The following SPRING1 variants were observed in gnomAD, a reference collection of about 807,000 sequenced individuals.
SPRING1 encodes SREBF pathway regulator in golgi 1.
In SPRING1, 14 loss-of-function variants were observed where a neutral mutation model predicts 24.7. The observed-to-expected ratio is 0.57, with a 90% CI of 0.37 to 0.88. SPRING1 has a LOEUF of 0.88. Among genes scored for constraint, SPRING1 ranks in the 40% least tolerant of loss-of-function variants. The pLI, the probability that SPRING1 is intolerant of heterozygous loss-of-function variation, is 0.00. For synonymous variants in SPRING1, 93 were observed against 106.1 expected, an observed-to-expected ratio of 0.88 and a Z score of 0.76; for missense variants, 255 against 268.4, an observed-to-expected ratio of 0.95 and a Z score of 0.35.
intron 1 of SPRING1, among the ~76,000 whole-genome samples, chr12:116,731,929 C>T (rs559407756): frequency 6.6e-5 from 10 of 152,330 alleles, no homozygotes; most frequent in Middle Eastern, 3.4e-3. Context: ...ACGGTCACCA[C>T]GGCTTCTGCC....
chr12:116,737,994 C>G lies in SPRING1; in HGVS notation c.-94G>C. ...GCCCCTACGCGCCCGGCAGCCCCAT[C>G]CCTCCAGGCAGGCGCCGGCCCCGCC... On this transcript the variant is annotated 5_prime_UTR_variant, in exon 1 of 5. Coordinates refer to ENST00000261318, the MANE Select transcript of SPRING1 (RefSeq NM_024738.4). The G allele has an allele frequency of 8.5e-7, 1 of 1,170,960 alleles. No homozygotes were observed. The highest frequency in any genetic ancestry group is 1.1e-6 in the Non-Finnish European group (1 of 944,298). 72.5% of individuals were successfully genotyped at this position (1,170,960 alleles called of 1,614,324 possible).
In SPRING1 at chr12:116,720,844, C is replaced by T. The variant is rs553311190; in HGVS notation, c.269-397G>A. 5.9e-5 allele frequency among the ~76,000 whole-genome samples: 9 copies of T among 152,196 alleles called. No individual in the cohort carries two copies. The highest frequency in any genetic ancestry group is 2.2e-4 in the African/African-American group (9 of 41,526). ...CAAAAAGTTTAAAACAGAAAAAAAC[C>T]GAGGCACTGATTCACAAAAGTGAGG... On this transcript the variant is annotated intron_variant, in intron 2 of 4. Coordinates refer to ENST00000261318, the MANE Select transcript of SPRING1 (RefSeq NM_024738.4). The surrounding 1 kb of genome is among the most constrained non-coding windows in gnomAD (Gnocchi z 4.0).
chr12:116,720,852 T>G lies in SPRING1; in HGVS notation c.269-405A>C, dbSNP rs1263076380. Among the ~76,000 whole-genome samples, 1 of 152,238 alleles carries G rather than the reference T, an allele frequency of 6.6e-6. No homozygotes were observed. Among genetic ancestry groups the G allele is most frequent in the African/African-American group, 2.4e-5 (1 of 41,472 alleles). ...TTAAAACAGAAAAAAACCGAGGCACTGATTCACAAAAGTGAGGTCCTTCTA... is the reference window on the plus strand; with the variant it reads ...TTAAAACAGAAAAAAACCGAGGCACGGATTCACAAAAGTGAGGTCCTTCTA... On this transcript the variant is annotated intron_variant, in intron 2 of 4. Transcript: ENST00000261318. The surrounding 1 kb of genome is among the most constrained non-coding windows in gnomAD (Gnocchi z 4.0).
chr12:116,738,015 C>A lies in SPRING1; in HGVS notation c.-115G>T. ...CCATCCCTCCAGGCAGGCGCCGGCC[C>A]CGCCGCCCGCAGCCCAGTCTGCTCC... On this transcript the variant is annotated 5_prime_UTR_variant, in exon 1 of 5. Transcript: ENST00000261318. 1 of 1,116,384 alleles carries A rather than the reference C, an allele frequency of 9.0e-7. No homozygotes were observed. Among genetic ancestry groups the A allele is most frequent in the South Asian group, 4.3e-5 (1 of 23,194 alleles). The allele number at this position is 1,116,384 out of a possible 1,614,324, so 69.2% of individuals were successfully genotyped here. A position where few individuals can be genotyped will look rare whatever the true frequency, so the allele number is the denominator to read the frequency against.
intron 1 of SPRING1, among the ~76,000 whole-genome samples, chr12:116,733,199 T>C (rs1025654967): frequency 5.9e-5 from 9 of 152,038 alleles, no homozygotes; most frequent in South Asian, 4.1e-4. Context: ...AGTTTTTTTC[T>C]TTTCTGAGAC....
intron 1 of SPRING1, among the ~76,000 whole-genome samples, chr12:116,727,477 G>A (rs926406362): frequency 6.6e-6 from 1 of 152,124 alleles, no homozygotes; most frequent in African/African-American, 2.4e-5. Flanking sequence ...ACTGTGCTGT[G>A]TACTTTTCAG....
At chr12:116,728,000 A>G (rs1476976595) in intron 1 of SPRING1, among the ~76,000 whole-genome samples, 2 of 152,226 alleles carry the variant, frequency 1.3e-5, no homozygotes, top group African/African-American at 2.4e-5. Flanking sequence ...GCACCAATTT[A>G]CACACTTAGC....
chr12:116,734,042 A>G (rs1444455855), intron 1 of SPRING1, among the ~76,000 whole-genome samples: 1 of 151,882 alleles, frequency 6.6e-6, no homozygotes, highest in Admixed American at 6.6e-5. Flanking sequence ...ACACCTGGCT[A>G]ATTTTTATAT....
In SPRING1 at chr12:116,717,958, G is replaced by C. The variant is rs1870242564; in HGVS notation, c.535-65C>G. 3.0e-6 allele frequency: 4 copies of C among 1,325,144 alleles called. No homozygotes were observed. Among genetic ancestry groups the C allele is most frequent in the Non-Finnish European group, 4.1e-6 (4 of 969,992 alleles). The allele number at this position is 1,325,144 out of a possible 1,614,324, so 82.1% of individuals were successfully genotyped here. A position where few individuals can be genotyped will look rare whatever the true frequency, so the allele number is the denominator to read the frequency against. The stretch of plus-strand genomic sequence containing the variant: ...CACAGCTTCACACACCTCCCTCTCG[G>C]AAGAGTGAGAGTGGATCGGGACTGT... On this transcript the variant is annotated intron_variant, in intron 4 of 4. Transcript: ENST00000261318. This position sits in a 1 kb window ranked among gnomAD's most constrained non-coding sequence, Gnocchi z 4.2.
chr12:116,735,338 T>C lies in SPRING1; in HGVS notation c.111+2452A>G, dbSNP rs138655801. 4.0e-4 allele frequency among the ~76,000 whole-genome samples: 61 copies of C among 152,244 alleles called. No homozygotes were observed. In the East Asian group the frequency reaches 0.011, roughly 27 times the overall value. ...ATGGAGAGTTATTGTTAAATGAATA[T>C]TAAGTTTCAGTTTCTACAAGCGTTA... On this transcript the variant is annotated intron_variant, in intron 1 of 4. Coordinates refer to ENST00000261318, the MANE Select transcript of SPRING1 (RefSeq NM_024738.4).
chr12:116,723,279 T>G, intron 1 of SPRING1, 56 bp from the exon 2 acceptor site: 2 of 1,592,810 alleles, frequency 1.3e-6, no homozygotes, highest in Non-Finnish European at 1.7e-6. Flanking sequence ...TCTTACAATT[T>G]CACCAGTTTT....
Position 116,719,863 on chromosome 12 carries a change from T to C in SPRING1, c.434A>G (p.Glu145Gly). Residue 145 changes from glutamate to glycine, a missense_variant, in exon 4 of 5, where the codon GAG (glutamate) becomes GGG (glycine). Transcript: ENST00000261318. ...CLQPNKQLLL[E>G]RFLNRAAVAF... ...CACGGCTGCCCGGTTGAGGAAGCGC[T>C]CCAGGAGAAGTTGCTATGGAAACAA... is the stretch of plus-strand genomic sequence containing the variant. 6.2e-7 allele frequency: 1 copy of C among 1,614,114 alleles called. No homozygotes were observed. Among genetic ancestry groups the C allele is most frequent in the Non-Finnish European group, 8.5e-7 (1 of 1,179,992 alleles).
At position 116,737,821 on chromosome 12, in the gene SPRING1, A is replaced by C; in HGVS notation, c.80T>G (p.Leu27Arg). 2.5e-6 allele frequency: 4 copies of C among 1,595,516 alleles called. No individual in the cohort carries two copies. Among genetic ancestry groups the C allele is most frequent in the Non-Finnish European group, 3.4e-6 (4 of 1,170,938 alleles). The change falls in exon 1 of 5, where the codon CTC becomes CGC. Residue 27 changes from leucine to arginine, a missense_variant. Transcript: ENST00000261318. ...WVLALVFGLS[L>R]VYFLSSTFKQ... ...GAAGGTGCTGCTGAGGAAGTAGACG[A>C]GCGACAGCCCGAAGACCAGGGCGAG...
At chr12:116,730,739 A>T (rs1870936027) in intron 1 of SPRING1, among the ~76,000 whole-genome samples, 1 of 152,238 alleles carries the variant, frequency 6.6e-6, no homozygotes, top group African/African-American at 2.4e-5. Context: ...TACTAAAAAA[A>T]ATCACACTTG....
chr12:116,725,275 G>A (rs187622241), intron 1 of SPRING1, among the ~76,000 whole-genome samples: 115 of 152,228 alleles, frequency 7.6e-4, no homozygotes, highest in African/African-American at 2.5e-3. Context: ...CGTCCCGCCC[G>A]GGCTGTGCAT....
At chr12:116,733,594 T>C (rs1300863713) in intron 1 of SPRING1, among the ~76,000 whole-genome samples, 1 of 152,102 alleles carries the variant, frequency 6.6e-6, no homozygotes, top group African/African-American at 2.4e-5. Context: ...TTTGTACAGC[T>C]TTACAATGTG....
Position 116,717,471 on chromosome 12 carries a change from C to G in SPRING1, c.*339G>C, listed in dbSNP as rs1056165423. On this transcript the variant is annotated 3_prime_UTR_variant, in exon 5 of 5. Transcript: ENST00000261318. This position sits in a 1 kb window ranked among gnomAD's most constrained non-coding sequence, Gnocchi z 4.2. ...GCCTGGATCAAAACTGGAAGTGACA[C>G]CGGCCCCCGATGAACACAAGTCACA... 1 of 206,336 alleles carries G rather than the reference C, an allele frequency of 4.8e-6. No individual in the cohort carries two copies. The highest frequency in any genetic ancestry group is 9.6e-6 in the Non-Finnish European group (1 of 103,904). The allele number at this position is 206,336 out of a possible 1,614,324, so 12.8% of individuals were successfully genotyped here.
In SPRING1 at chr12:116,737,776, G is replaced by T. The variant is rs1235419366; in HGVS notation, c.111+14C>A. 2.0e-6 allele frequency: 3 copies of T among 1,533,764 alleles called. No homozygotes were observed. Among genetic ancestry groups the T allele is most frequent in the Non-Finnish European group, 2.7e-6 (3 of 1,130,762 alleles). On this transcript the variant is annotated intron_variant, in intron 1 of 4. Coordinates refer to ENST00000261318, the MANE Select transcript of SPRING1 (RefSeq NM_024738.4). ...GAAGAAGGGAAGGGGAGGAGGGGAA[G>T]GGCGGCCACTGACCTGCTTGAAGGT...
Position 116,729,894 on chromosome 12 carries a change from T to C in SPRING1, c.112-6671A>G, listed in dbSNP as rs371904078. 7.2e-5 allele frequency among the ~76,000 whole-genome samples: 11 copies of C among 152,094 alleles called. 1 individual carries two copies. Among genetic ancestry groups the C allele is most frequent in the East Asian group, 5.8e-4 (3 of 5,192 alleles). On this transcript the variant is annotated intron_variant, in intron 1 of 4. Coordinates refer to ENST00000261318, the MANE Select transcript of SPRING1 (RefSeq NM_024738.4). ...ACTTTTTTATTTTTGTTTTTATTTT[T>C]ATTTATTTATTTATTTATTTTTTGA...
Sources: allele counts gnomAD v4.1 joint callset (sites outside exome capture counted in the v4.1 genomes callset), GRCh38; gene constraint gnomAD v4.1.1; non-coding constraint Gnocchi (gnomAD v3.1); transcripts MANE v1.5; gene names NCBI Gene and HGNC (gene_info 2026-07-23, HGNC 2026-07-21).